Variants in DLC1 observed in about 807,000 individuals in gnomAD.
DLC1 encodes rho GTPase-activating protein 7.
A neutral mutation model predicts 140.3 loss-of-function variants in DLC1; 54 were observed. The ratio of observed to expected loss-of-function variants is 0.38; its 90% CI spans 0.31 to 0.48. The LOEUF (loss-of-function observed/expected upper bound fraction) is 0.48. Among genes scored for constraint, DLC1 ranks in the 20% least tolerant of loss-of-function variants. The pLI, the probability that DLC1 is intolerant of heterozygous loss-of-function variation, is 0.96. For synonymous variants in DLC1, 986 were observed against 728.1 expected (o/e 1.35, Z -5.70); for missense variants, 2,536 against 1,907.0 (o/e 1.33, Z -6.14).
chr8:13,502,213 G>A (rs530531767), intron 1 of DLC1, among the ~76,000 whole-genome samples: 1 of 152,272 alleles, frequency 6.6e-6, no homozygotes, highest in East Asian at 1.9e-4. Context: ...ATCAAAGGAA[G>A]ATAGTTCAAC....
At position 13,274,179 on chromosome 8, in the gene DLC1, G is replaced by A. The variant is rs138157594; in HGVS notation, c.1348+31090C>T. 4.4e-3 allele frequency among the ~76,000 whole-genome samples: 667 copies of A among 152,286 alleles called. 8 individuals are homozygous for A. Among genetic ancestry groups the A allele is most frequent in the South Asian group, 0.019 (92 of 4,826 alleles). ...GGTGAGTGGAAGGGTTGAGTGCAGA[G>A]GAGAAGCTTGAGGGAAAGGGATGGA... On this transcript the variant is annotated intron_variant, in intron 5 of 17. Transcript: ENST00000276297.
intron 4 of DLC1, among the ~76,000 whole-genome samples, chr8:13,329,140 C>T (rs1833489025): frequency 6.6e-6 from 1 of 152,132 alleles, no homozygotes; most frequent in Non-Finnish European, 1.5e-5. Context: ...AGAATCGAGT[C>T]CTGCCTTGGA....
intron 1 of DLC1, among the ~76,000 whole-genome samples, chr8:13,587,121 T>G (rs1805350608): frequency 7.0e-6 from 1 of 143,784 alleles, no homozygotes; most frequent in South Asian, 2.3e-4. Context: ...TGCATGCGCC[T>G]ATCCACAGAT....
intron 5 of DLC1, among the ~76,000 whole-genome samples, chr8:13,169,736 A>G (rs1460276981): frequency 2.6e-5 from 4 of 152,200 alleles, no homozygotes; most frequent in African/African-American, 7.2e-5. Context: ...AAGAACATGG[A>G]AGAGAGCCTG....
intron 5 of DLC1, among the ~76,000 whole-genome samples, chr8:13,195,412 A>G (rs918835683): frequency 3.3e-5 from 5 of 152,208 alleles, no homozygotes; most frequent in African/African-American, 1.2e-4. Context: ...TCCTATATAA[A>G]TAAATAGCTC....
chr8:13,171,149 C>G (rs117516456), intron 5 of DLC1, among the ~76,000 whole-genome samples: 1,702 of 152,300 alleles, frequency 0.011, 13 homozygotes, highest in South Asian at 0.036. Flanking sequence ...CTCCTCCCCT[C>G]TAGTTGCAAT....
At chr8:13,445,376 A>G (rs1387752935) in intron 2 of DLC1, among the ~76,000 whole-genome samples, 6 of 152,222 alleles carry the variant, frequency 3.9e-5, no homozygotes, top group Admixed American at 3.9e-4. Flanking sequence ...ACTAACAAAC[A>G]GAAGTCTGTA....
chr8:13,403,687 G>A (rs1427205889), intron 2 of DLC1, among the ~76,000 whole-genome samples: 6 of 151,524 alleles, frequency 4.0e-5, no homozygotes, highest in African/African-American at 1.5e-4. Flanking sequence ...CCAGGCTGTA[G>A]TGCAGTGCAG....
intron 1 of DLC1, among the ~76,000 whole-genome samples, chr8:13,578,966 T>G (rs1268349236): frequency 6.6e-6 from 1 of 151,810 alleles, no homozygotes; most frequent in Admixed American, 6.6e-5. Context: ...TTCCAACGTT[T>G]TATTACAGGT....
At chr8:13,437,969 G>C (rs571812075) in intron 2 of DLC1, among the ~76,000 whole-genome samples, 3 of 150,596 alleles carry the variant, frequency 2.0e-5, no homozygotes, top group African/African-American at 4.9e-5. Flanking sequence ...AGGTTATAAG[G>C]GTCCCCAGGA....
intron 5 of DLC1, among the ~76,000 whole-genome samples, chr8:13,212,063 C>A (rs765709615): frequency 1.5e-4 from 23 of 152,178 alleles, no homozygotes; most frequent in Admixed American, 8.5e-4. Context: ...ATAGACAAAA[C>A]AATGAACATT....
At chr8:13,258,934 G>A (rs1211848360) in intron 5 of DLC1, among the ~76,000 whole-genome samples, 5 of 151,838 alleles carry the variant, frequency 3.3e-5, no homozygotes, top group African/African-American at 1.2e-4. Flanking sequence ...TCAGGAGATC[G>A]AGACCATCCT....
chr8:13,532,427 G>A (rs1242240543), intron 1 of DLC1, among the ~76,000 whole-genome samples: 1 of 152,164 alleles, frequency 6.6e-6, no homozygotes, highest in Non-Finnish European at 1.5e-5. Context: ...CACAGCAAAT[G>A]TTGTTGTAAG....
intron 5 of DLC1, among the ~76,000 whole-genome samples, chr8:13,286,403 A>C (rs569278316): frequency 3.9e-5 from 6 of 152,192 alleles, no homozygotes; most frequent in Non-Finnish European, 8.8e-5. Context: ...AAATAGGTTT[A>C]AATGTCAATG....
rs536320182 is a variant in DLC1 at position 13,278,343 on chromosome 8, A to G, written c.1348+26926T>C. On this transcript the variant is annotated intron_variant, in intron 5 of 17. Transcript: ENST00000276297. ...GTTTCTCCTTCAAAGAGGTCTGGGCACCTTGAAGCGTGTTGAATCATGTCA... is the reference window on the plus strand; with the variant it reads ...GTTTCTCCTTCAAAGAGGTCTGGGCGCCTTGAAGCGTGTTGAATCATGTCA... Among the ~76,000 whole-genome samples the G allele has an allele frequency of 2.6e-5, 4 of 152,322 alleles. No homozygotes were observed. In the East Asian group the frequency reaches 7.7e-4, roughly 29 times the overall value.
At chr8:13,301,223 CAA>C (rs754993209) in intron 5 of DLC1, among the ~76,000 whole-genome samples, 24 of 132,558 alleles carry the variant, frequency 1.8e-4, no homozygotes, top group African/African-American at 6.3e-4. Context: ...GTCTAATAGA[CAA>C]AAAAAAAAAA....
At chr8:13,087,328 G>T (rs545461886) in intron 16 of DLC1, among the ~76,000 whole-genome samples, 76 of 152,330 alleles carry the variant, frequency 5.0e-4, no homozygotes, top group African/African-American at 1.8e-3. Flanking sequence ...CTTGAGCCTG[G>T]GAGGTGAAGG....
intron 4 of DLC1, among the ~76,000 whole-genome samples, chr8:13,369,834 G>C (rs1835650980): frequency 6.6e-6 from 1 of 150,666 alleles, no homozygotes; most frequent in South Asian, 2.1e-4. Context: ...CCCCAAGTCG[G>C]CTCTCCGATC....
In DLC1 at chr8:13,336,094, ATCTT is replaced by A. The variant is rs762076602; in HGVS notation, c.1315-30796_1315-30793del. Among the ~76,000 whole-genome samples, 5 of 152,176 alleles carry A rather than the reference ATCTT, an allele frequency of 3.3e-5. No individual in the cohort carries two copies. The East Asian group carries it at 7.7e-4, about 23-fold the overall frequency. On this transcript the variant is annotated intron_variant, in intron 4 of 17. Coordinates refer to ENST00000276297, the MANE Select transcript of DLC1 (RefSeq NM_182643.3). ...GCAGAAGGCATATTTCTAAAGGCTC[ATCTT>A]TCTTTTGAAAATATAATTGAATTAA...
Sources: gnomAD v4.1 joint callset for allele counts (sites outside exome capture counted in the v4.1 genomes callset) on GRCh38, gnomAD v4.1.1 for gene constraint, MANE v1.5 for transcripts, NCBI Gene and HGNC (gene_info 2026-07-23, HGNC 2026-07-21) for gene names.